The following ATR variants were observed in gnomAD, a reference collection of about 807,000 sequenced individuals.
ATR encodes ATR checkpoint kinase.
ATR carries 142 observed loss-of-function variants against 305.3 expected under a neutral mutation model. The observed-to-expected ratio is 0.47, with a 90% CI of 0.41 to 0.53. The LOEUF (loss-of-function observed/expected upper bound fraction) is 0.53. Ranked by LOEUF, ATR falls within the 20% of genes least tolerant of loss-of-function variation. The probability of loss-of-function intolerance (pLI) is 0.00; values close to 1 mark genes in which losing one functional copy is unlikely to be tolerated. For missense variants in ATR, 2,135 were observed against 3,133.1 expected (o/e 0.68, Z 7.60); for synonymous variants, 1,050 against 1,068.1 (o/e 0.98, Z 0.33).
chr3:142,553,453 C>CAA, intron 12 of ATR, 55 bp from the exon 13 acceptor site: 1 of 1,501,564 alleles, frequency 6.7e-7, no homozygotes, highest in South Asian at 1.1e-5. Flanking sequence ...CACACACACA[C>CAA]ACACATACAC....
chr3:142,566,123 A>C lies in ATR; in HGVS notation c.290T>G (p.Ile97Ser). ...SGSHEAKGSC[I>S]EFSNWIITRL... ...AATGCATGAATAACAGCACTTACCA[A>C]TACAACTGCCTTTGGCCTCATGGCT... The change falls in exon 3 of 47, where the codon ATT becomes AGT. Residue 97 changes from isoleucine (I) to serine (S), a missense_variant and splice_region_variant. Ile to Ser is a moderately radical substitution (Grantham distance 142). Around this residue, in one of 9 missense-constraint regions of ATR, gnomAD observed 744 missense variants for 873.2 expected, o/e 0.85. Coordinates refer to ENST00000350721, the MANE Select transcript of ATR (RefSeq NM_001184.4). The C allele has an allele frequency of 6.2e-7, 1 of 1,614,150 alleles. No individual in the cohort carries two copies. Among genetic ancestry groups the C allele is most frequent in the Non-Finnish European group, 8.5e-7 (1 of 1,180,002 alleles).
intron 37 of ATR, 61 bp from the exon 38 acceptor site, chr3:142,469,630 C>T (rs1236937215): frequency 7.0e-7 from 1 of 1,430,792 alleles, no homozygotes; most frequent in Non-Finnish European, 9.8e-7. Flanking sequence ...TATATCAGTT[C>T]ATTTCACAGA....
chr3:142,525,616 T>A (rs1227954941), intron 21 of ATR, among the ~76,000 whole-genome samples: 1 of 152,104 alleles, frequency 6.6e-6, no homozygotes, highest in East Asian at 1.9e-4. Flanking sequence ...TGGTGGCAGG[T>A]GTTTGGGTCA....
chr3:142,513,054 T>C (rs2032658016), intron 26 of ATR, among the ~76,000 whole-genome samples: 1 of 152,064 alleles, frequency 6.6e-6, no homozygotes, highest in Non-Finnish European at 1.5e-5. Flanking sequence ...CAGTAATATT[T>C]CACACTATAT....
chr3:142,541,219 A>T (rs2034039984), intron 17 of ATR, among the ~76,000 whole-genome samples, 185 bp from the exon 18 acceptor site: 1 of 152,210 alleles, frequency 6.6e-6, no homozygotes, highest in Non-Finnish European at 1.5e-5. Context: ...TGGTAATTAT[A>T]AATTTGAAAA....
intron 28 of ATR, 26 bp from the exon 29 acceptor site, chr3:142,505,329 C>T: frequency 6.2e-7 from 1 of 1,610,154 alleles, no homozygotes; most frequent in Non-Finnish European, 8.5e-7. Context: ...AAAAAACAAT[C>T]AAAAACAAGA....
Position 142,526,830 on chromosome 3 carries a change from C to T in ATR, c.3946-2631G>A, listed in dbSNP as rs561445806. Among the ~76,000 whole-genome samples, 13 of 151,700 alleles carry T rather than the reference C, an allele frequency of 8.6e-5. No homozygotes were observed. In the South Asian group the frequency reaches 2.7e-3, roughly 32 times the overall value. The stretch of plus-strand genomic sequence containing the variant: ...TTGAGACAGGGTCCCGCTCTGTTGC[C>T]CTGGCTGGAATGCAGTGGCATGATC... On this transcript the variant is annotated intron_variant, in intron 21 of 46. Coordinates refer to ENST00000350721, the MANE Select transcript of ATR (RefSeq NM_001184.4).
chr3:142,529,357 A>G (rs1331587691), intron 21 of ATR, among the ~76,000 whole-genome samples: 1 of 152,216 alleles, frequency 6.6e-6, no homozygotes, highest in East Asian at 1.9e-4. Flanking sequence ...GTTATTGCCT[A>G]TGCAACAATT....
chr3:142,451,596 G>A (rs889085490), intron 46 of ATR: 4 of 1,300,900 alleles, frequency 3.1e-6, no homozygotes, highest in East Asian at 8.7e-5. Context: ...ATCTGAGTAT[G>A]ATGCCAAGGG....
intron 46 of ATR, chr3:142,451,959 C>G: frequency 8.8e-7 from 1 of 1,132,140 alleles, no homozygotes; most frequent in Non-Finnish European, 1.1e-6. Flanking sequence ...TATCACTTAA[C>G]GAAAAGGAAC....
rs2032623755 is a variant in ATR, at chr3:142,512,401, A to G, written c.4711T>C (p.Ser1571Pro). 6.2e-7 allele frequency: 1 copy of G among 1,613,844 alleles called. No individual in the cohort carries two copies. The highest frequency in any genetic ancestry group is 1.1e-5 in the South Asian group (1 of 91,080). The change falls in exon 27 of 47, where the codon TCT becomes CCT. Residue 1571 changes from serine to proline, a missense_variant. Transcript: ENST00000350721. Reference protein sequence around the residue: ...QHTINTQDIASDLCQLSTQTV... With the variant: ...QHTINTQDIAPDLCQLSTQTV... ...TGTGTACTGAGTTGACACAGATCAG[A>G]TGCAATGTCTTGGGTATTTATGGTA...
intron 1 of ATR, among the ~76,000 whole-genome samples, chr3:142,577,827 A>G (rs1237452015): frequency 6.6e-6 from 1 of 152,232 alleles, no homozygotes; most frequent in African/African-American, 2.4e-5. Flanking sequence ...AACAAGCTCT[A>G]CCGAGTCTTT....
intron 21 of ATR, among the ~76,000 whole-genome samples, chr3:142,525,189 C>G (rs777993983): frequency 9.9e-5 from 15 of 152,256 alleles, no homozygotes; most frequent in Non-Finnish European, 1.9e-4. Context: ...CACTTTTTAT[C>G]ATATACTAAA....
chr3:142,461,346 C>CT (rs1380302241), intron 42 of ATR, among the ~76,000 whole-genome samples: 1 of 152,066 alleles, frequency 6.6e-6, no homozygotes, highest in Non-Finnish European at 1.5e-5. Context: ...CATTGAAATT[C>CT]TATTAGTACA....
At chr3:142,449,630 A>G (rs751311977) in intron 46 of ATR, 28 bp from the exon 47 acceptor site, 44 of 1,606,310 alleles carry the variant, frequency 2.7e-5, no homozygotes, top group Admixed American at 1.3e-4. Flanking sequence ...AAAACCAAAA[A>G]CAGATGTTAA....
chr3:142,562,541 T>C lies in ATR; in HGVS notation c.861A>G (p.Gln287=), dbSNP rs1292971115. The stretch of plus-strand genomic sequence containing the variant: ...ATAATGGCTCTTCATAGAGTTTCAA[T>C]TGGTCAGTATCCATTTCTACAAGGT... ...LKHLVEMDTD[Q]LKLYEEPLSK... Residue 287 remains glutamine, a synonymous_variant, in exon 4 of 47, where the codon CAA becomes CAG. Coordinates refer to ENST00000350721, the MANE Select transcript of ATR (RefSeq NM_001184.4). 6 of 1,613,592 alleles carry C rather than the reference T, an allele frequency of 3.7e-6. No individual in the cohort carries two copies. The Admixed American group carries it at 5.0e-5, about 13-fold the overall frequency.
At chr3:142,572,316 G>A (rs1003657786) in intron 1 of ATR, among the ~76,000 whole-genome samples, 22 of 144,554 alleles carry the variant, frequency 1.5e-4, no homozygotes, top group Non-Finnish European at 1.9e-4. Flanking sequence ...TGATCCATCC[G>A]CCTCGGTCTC....
chr3:142,510,253 TG>T (rs1363306558), intron 27 of ATR, among the ~76,000 whole-genome samples: 1 of 152,126 alleles, frequency 6.6e-6, no homozygotes, highest in Non-Finnish European at 1.5e-5. Flanking sequence ...TCCAACACTT[TG>T]GGAGATCGAG....
chr3:142,452,522 T>C (rs2070814044), intron 46 of ATR: 1 of 626,122 alleles, frequency 1.6e-6, no homozygotes, highest in Non-Finnish European at 2.0e-6. Flanking sequence ...AAAAATATAA[T>C]AATTAGCCAG....
Sources: gnomAD v4.1 joint callset for allele counts (sites outside exome capture counted in the v4.1 genomes callset) on GRCh38, gnomAD v4.1.1 for gene constraint, gnomAD v4.1.1 regional missense constraint, MANE v1.5 for transcripts, NCBI Gene and HGNC (gene_info 2026-07-23, HGNC 2026-07-21) for gene names.